PARP12: variants seen among roughly 807,000 people sequenced by gnomAD.
PARP12 encodes the protein poly(ADP-ribose) polymerase family member 12.
PARP12 carries 59 observed loss-of-function variants against 72.4 expected under a neutral mutation model. The observed-to-expected ratio is 0.81, with a 90% CI of 0.66 to 1.01. PARP12 has a LOEUF of 1.01. Ranked by LOEUF, PARP12 falls within the 50% of genes least tolerant of loss-of-function variation. The pLI, the probability that PARP12 is intolerant of heterozygous loss-of-function variation, is 0.00. For synonymous variants in PARP12, 403 were observed against 371.4 expected (o/e 1.09, Z -0.98); for missense variants, 851 against 914.0 (o/e 0.93, Z 0.89).
At chr7:140,054,879 T>C (rs2116651706) in intron 3 of PARP12, 116 bp from the exon 4 acceptor site, 1 of 853,898 alleles carries the variant, frequency 1.2e-6, no homozygotes, top group Non-Finnish European at 1.9e-6. Context: ...CACAAAGCCC[T>C]ATCGTGTTTG....
chr7:140,041,597 T>G lies in PARP12; in HGVS notation c.1182+47A>C, dbSNP rs937616666. ...GGGGGCTCTTATTTGGCTCCTCTCT[T>G]ACAGATCCTCAGGACAAAACATTCA... On this transcript the variant is annotated intron_variant, in intron 6 of 11. Transcript: ENST00000263549. The G allele has an allele frequency of 5.7e-6, 9 of 1,566,548 alleles. 1 individual carries two copies. The Admixed American group carries it at 1.2e-4, about 22-fold the overall frequency.
At chr7:140,059,740 T>C (rs753260278) in intron 1 of PARP12, among the ~76,000 whole-genome samples, 34 of 152,188 alleles carry the variant, frequency 2.2e-4, no homozygotes, top group Admixed American at 2.0e-4. Context: ...CTTTCCCTCA[T>C]CTAGCGGAGG....
chr7:140,041,645 TG>T lies in PARP12; in HGVS notation c.1180del (p.Gln394ArgfsTer7). The part of the protein sequence containing the change: ...EFGSWQEYGR[Q>X]GTVHPVTTVS... ...TCACCCTCTTTCCATCACACTTACC[TG>T]TCTTCCATATTCCTGCCAAGAACCA... On this transcript the variant is annotated frameshift_variant and splice_region_variant, in exon 6 of 12. Coordinates refer to ENST00000263549, the MANE Select transcript of PARP12 (RefSeq NM_022750.4). LOFTEE classifies it high-confidence loss of function. 6.2e-7 allele frequency: 1 copy of T among 1,613,124 alleles called. No homozygotes were observed. Among genetic ancestry groups the T allele is most frequent in the East Asian group, 2.2e-5 (1 of 44,872 alleles).
intron 8 of PARP12, among the ~76,000 whole-genome samples, chr7:140,030,584 C>A (rs750777372): frequency 6.0e-5 from 9 of 150,618 alleles, no homozygotes; most frequent in African/African-American, 1.7e-4. Flanking sequence ...GGCGACAGTG[C>A]GACTCCATCT....
In PARP12 at chr7:140,062,519, T is replaced by C. The variant is rs1817502699; in HGVS notation, c.326+3A>G. ...CGCCGTCGCTCCCGGCGCGGCGCCT[T>C]ACCCGGCTCTCAGGAACTTGCAGGC... On this transcript the variant is annotated splice_donor_region_variant and intron_variant, in intron 1 of 11. Coordinates refer to ENST00000263549, the MANE Select transcript of PARP12 (RefSeq NM_022750.4). 6 of 1,541,932 alleles carry C rather than the reference T, an allele frequency of 3.9e-6. No individual in the cohort carries two copies. The East Asian group carries it at 7.3e-5, about 19-fold the overall frequency.
chr7:140,059,348 G>A (rs560496808), intron 1 of PARP12, among the ~76,000 whole-genome samples: 3 of 137,698 alleles, frequency 2.2e-5, no homozygotes, highest in Admixed American at 7.5e-5. Flanking sequence ...ATGTGCATGC[G>A]TGCAGGCGTG....
At chr7:140,035,970 ACGAGGAGGAGGAGG>A (rs1365064419) in intron 7 of PARP12, among the ~76,000 whole-genome samples, 3 of 67,204 alleles carry the variant, frequency 4.5e-5, no homozygotes, top group Non-Finnish European at 7.3e-5. Context: ...GAGGAGGAGG[ACGAGGAGGAGGAGG>A]AGGAGGAGGA....
chr7:140,027,672 G>C (rs1815788388), intron 9 of PARP12: 1 of 295,616 alleles, frequency 3.4e-6, no homozygotes, highest in South Asian at 4.1e-5. Flanking sequence ...GGTTTCGTTA[G>C]ACAGTATGTT....
intron 7 of PARP12, among the ~76,000 whole-genome samples, chr7:140,035,890 A>C (rs113347548): frequency 8.4e-6 from 1 of 119,128 alleles, no homozygotes; most frequent in African/African-American, 3.3e-5. Flanking sequence ...AGGAAGAGGA[A>C]GAGGAGGAGG....
intron 9 of PARP12, chr7:140,027,699 G>T (rs1450687566): frequency 4.2e-6 from 1 of 236,664 alleles, no homozygotes; most frequent in Non-Finnish European, 8.6e-6. Flanking sequence ...CTTTAAGTCA[G>T]TTTCCAAGAA....
At position 140,058,037 on chromosome 7, in the gene PARP12, G is replaced by T. The variant is rs1817261935; in HGVS notation, c.327-3C>A. 6.2e-7 allele frequency: 1 copy of T among 1,614,034 alleles called. No homozygotes were observed. ...TGTGACTATTCCTACAGTTCTTCCT[G>T]CAAAGAAGCAGAGCTGGTGTTATAT... is the stretch of plus-strand genomic sequence containing the variant. On this transcript the variant is annotated splice_region_variant and splice_polypyrimidine_tract_variant and intron_variant, in intron 1 of 11. Coordinates refer to ENST00000263549, the MANE Select transcript of PARP12 (RefSeq NM_022750.4).
At chr7:140,060,169 GGGAACTGAGACCT>G (rs1283492763) in intron 1 of PARP12, among the ~76,000 whole-genome samples, 1 of 152,156 alleles carries the variant, frequency 6.6e-6, no homozygotes, top group Non-Finnish European at 1.5e-5. Context: ...TTGCAGATGA[GGGAACTGAGACCT>G]GGAGGTAAAG....
chr7:140,061,899 TAACA>T (rs1817462062), intron 1 of PARP12, among the ~76,000 whole-genome samples: 2 of 145,980 alleles, frequency 1.4e-5, no homozygotes, highest in African/African-American at 2.6e-5. Flanking sequence ...CCTGAAGGAT[TAACA>T]AATAGGGCCA....
intron 8 of PARP12, among the ~76,000 whole-genome samples, chr7:140,032,791 CAAAGAGAAACATAAA>C (rs1012608444): frequency 6.6e-6 from 1 of 151,852 alleles, no homozygotes; most frequent in Non-Finnish European, 1.5e-5. Flanking sequence ...CTTATTTTTG[CAAAGAGAAACATAAA>C]AAAGAGAAAC....
intron 8 of PARP12, 30 bp downstream of exon 8, chr7:140,034,205 C>T: frequency 1.2e-6 from 2 of 1,605,396 alleles, no homozygotes; most frequent in Non-Finnish European, 8.5e-7. Context: ...TGATTACATC[C>T]TAAGTACCAA....
At position 140,037,803 on chromosome 7, in the gene PARP12, G is replaced by A. The variant is rs1585091713; in HGVS notation, c.1236C>T (p.Tyr412=). The A allele has an allele frequency of 6.2e-7, 1 of 1,614,072 alleles. No homozygotes were observed. Among genetic ancestry groups the A allele is most frequent in the East Asian group, 2.2e-5 (1 of 44,878 alleles). Residue 412 remains tyrosine (Y), a synonymous_variant, in exon 7 of 12, where the codon TAC becomes TAT. Coordinates refer to ENST00000263549, the MANE Select transcript of PARP12 (RefSeq NM_022750.4). The part of the protein sequence containing the change: ...TVSSSDVEKA[Y]LAYCTPGSDG... Reference sequence around the variant, plus strand: ...CAGACCCCGGTGTACAGTAGGCCAGGTAGGCCTTCTCCACGTCGCTACTGC... The same window carrying A: ...CAGACCCCGGTGTACAGTAGGCCAGATAGGCCTTCTCCACGTCGCTACTGC...
intron 8 of PARP12, chr7:140,033,191 C>T (rs918854399): frequency 8.1e-6 from 8 of 985,130 alleles, no homozygotes; most frequent in East Asian, 1.1e-4. Context: ...CTGCACCCAG[C>T]GCAAAAATAA....
intron 3 of PARP12, among the ~76,000 whole-genome samples, chr7:140,056,045 A>G (rs78943761): frequency 0.013 from 2,039 of 152,360 alleles, 100 homozygotes; most frequent in Admixed American, 0.079. Context: ...TGGCAAGCAC[A>G]CAAAGGTGCT....
intron 6 of PARP12, 111 bp downstream of exon 6, chr7:140,041,533 G>T: frequency 1.8e-6 from 2 of 1,086,246 alleles, no homozygotes; most frequent in Non-Finnish European, 2.6e-6. Context: ...GGCACCTGGG[G>T]ATCCTCAGCT....
Sources: allele counts gnomAD v4.1 joint callset (sites outside exome capture counted in the v4.1 genomes callset), GRCh38; gene constraint gnomAD v4.1.1; transcripts MANE v1.5; gene names NCBI Gene and HGNC (gene_info 2026-07-23, HGNC 2026-07-21).